The following UGT1A5 variants were observed in gnomAD, a reference collection of about 807,000 sequenced individuals.
UGT1A5 encodes the protein UDP glucuronosyltransferase family 1 member A5, also known as UDP-glucuronosyltransferase 1A5.
A neutral mutation model predicts 40.3 loss-of-function variants in UGT1A5; 29 were observed. That is an observed-to-expected ratio of 0.72 (90% confidence interval 0.54 to 0.98). UGT1A5 has a LOEUF of 0.98. Ranked by LOEUF, UGT1A5 falls within the 50% of genes least tolerant of loss-of-function variation. The pLI is 0.00. For missense variants in UGT1A5, 678 were observed against 677.9 expected (o/e 1.00, Z 0.00); for synonymous variants, 257 against 262.5 (o/e 0.98, Z 0.20).
chr2:233,768,757 A>AT (rs2126041506), intron 4 of UGT1A5, among the ~76,000 whole-genome samples: 1 of 151,338 alleles, frequency 6.6e-6, no homozygotes, highest in African/African-American at 2.4e-5. Context: ...TAATTTTTGT[A>AT]TTTTTTAGTA....
intron 1 of UGT1A5, among the ~76,000 whole-genome samples, chr2:233,720,689 A>G (rs964540844): frequency 1.3e-5 from 2 of 151,520 alleles, no homozygotes; most frequent in Non-Finnish European, 2.9e-5. Flanking sequence ...TTCTAAATCC[A>G]TTAAGGGAGC....
chr2:233,744,930 A>G (rs1692966910), intron 1 of UGT1A5, among the ~76,000 whole-genome samples: 1 of 151,906 alleles, frequency 6.6e-6, no homozygotes, highest in African/African-American at 2.4e-5. Flanking sequence ...CTTTTATAAA[A>G]TGACACAGTA....
chr2:233,737,637 G>A (rs1475956364), intron 1 of UGT1A5, among the ~76,000 whole-genome samples: 4 of 152,182 alleles, frequency 2.6e-5, no homozygotes, highest in Admixed American at 6.5e-5. Context: ...CATCTTCTGC[G>A]TCGATCATGC....
At chr2:233,729,672 TAAGG>T (rs769537040) in intron 1 of UGT1A5, 1 of 1,613,976 alleles carries the variant, frequency 6.2e-7, no homozygotes, top group Non-Finnish European at 8.5e-7. Flanking sequence ...ATTTAGACTT[TAAGG>T]GCACACAGTG....
intron 1 of UGT1A5, among the ~76,000 whole-genome samples, chr2:233,746,063 AAG>A (rs1693290242): frequency 6.6e-6 from 1 of 151,770 alleles, no homozygotes. Flanking sequence ...CTAGAACGAA[AAG>A]AGAAGAGGAG....
intron 1 of UGT1A5, among the ~76,000 whole-genome samples, chr2:233,734,913 T>G (rs1279998122): frequency 6.6e-6 from 1 of 152,224 alleles, no homozygotes; most frequent in Non-Finnish European, 1.5e-5. Context: ...TTACATTTGC[T>G]AAGGAGTGCT....
At chr2:233,748,134 A>G (rs747605529) in intron 1 of UGT1A5, 15 of 1,609,728 alleles carry the variant, frequency 9.3e-6, no homozygotes, top group Non-Finnish European at 1.3e-5. Flanking sequence ...GTTTTTAAAA[A>G]TTGTATTTAC....
intron 1 of UGT1A5, chr2:233,741,975 C>T (rs1043950383): frequency 3.3e-5 from 5 of 151,844 alleles, no homozygotes; most frequent in African/African-American, 4.9e-5. Flanking sequence ...TTTATGGTGC[C>T]TCACCCAAAA....
At chr2:233,743,677 G>A (rs1026564745) in intron 1 of UGT1A5, 2 of 1,367,100 alleles carry the variant, frequency 1.5e-6, no homozygotes, top group African/African-American at 1.5e-5. Flanking sequence ...CGAAGGGCCT[G>A]CCGCCTGTGC....
At chr2:233,724,728 C>A (rs2077301361) in intron 1 of UGT1A5, among the ~76,000 whole-genome samples, 1 of 144,340 alleles carries the variant, frequency 6.9e-6, no homozygotes, top group Non-Finnish European at 1.5e-5. Context: ...GGCAGCCAGG[C>A]AGAGGGGCTC....
intron 1 of UGT1A5, chr2:233,743,938 A>G (rs754327674): frequency 7.4e-7 from 1 of 1,356,050 alleles, no homozygotes; most frequent in African/African-American, 1.5e-5. Context: ...AGAACGGCCC[A>G]CCAGGCACTG....
At chr2:233,749,591 G>A (rs1280802236) in intron 1 of UGT1A5, among the ~76,000 whole-genome samples, 27 of 151,796 alleles carry the variant, frequency 1.8e-4, no homozygotes. Context: ...GTCTCAACAT[G>A]AAGTCACACT....
rs939298630 is a variant in UGT1A5, at chr2:233,760,212, G to A, written c.868-6822G>A. ...ACGTGACACAGTCAAACATTAACTT[G>A]GTGTATCGATTGGTTTTTGCCATAT... On this transcript the variant is annotated intron_variant, in intron 1 of 4. Coordinates refer to ENST00000373414, the MANE Select transcript of UGT1A5 (RefSeq NM_019078.2). 1.9e-5 allele frequency: 30 copies of A among 1,591,462 alleles called. No homozygotes were observed. The Admixed American group carries it at 4.7e-4, about 25-fold the overall frequency.
intron 1 of UGT1A5, among the ~76,000 whole-genome samples, chr2:233,763,758 G>C (rs1698394922): frequency 6.6e-6 from 1 of 152,148 alleles, no homozygotes; most frequent in South Asian, 2.1e-4. Flanking sequence ...TGTGTCTGAA[G>C]GAAAAGAGAT....
intron 1 of UGT1A5, among the ~76,000 whole-genome samples, chr2:233,758,095 C>A (rs1037336650): frequency 2.0e-5 from 3 of 152,150 alleles, no homozygotes; most frequent in Non-Finnish European, 2.9e-5. Context: ...ATAGTGACTG[C>A]CATCCAGTAG....
At chr2:233,719,030 A>G (rs1559364102) in intron 1 of UGT1A5, 1 of 1,614,246 alleles carries the variant, frequency 6.2e-7, no homozygotes, top group Non-Finnish European at 8.5e-7. Flanking sequence ...TGCACATCAA[A>G]GAAGAGAAAT....
intron 1 of UGT1A5, among the ~76,000 whole-genome samples, chr2:233,727,384 C>T (rs1032238584): frequency 4.6e-5 from 7 of 152,144 alleles, no homozygotes; most frequent in Admixed American, 1.3e-4. Flanking sequence ...TGGAGTACCA[C>T]CGTCTTCCAA....
chr2:233,757,867 T>C (rs1324450785), intron 1 of UGT1A5, among the ~76,000 whole-genome samples: 1 of 151,950 alleles, frequency 6.6e-6, no homozygotes. Context: ...AAAAAGAAAG[T>C]AGCTTCAAAA....
At chr2:233,725,334 T>G (rs2077438073) in intron 1 of UGT1A5, among the ~76,000 whole-genome samples, 1 of 108,502 alleles carries the variant, frequency 9.2e-6, no homozygotes, top group Admixed American at 9.8e-5. Context: ...TCAACAATCT[T>G]AAGTCCAATA....
Sources: allele counts gnomAD v4.1 joint callset (sites outside exome capture counted in the v4.1 genomes callset), GRCh38; gene constraint gnomAD v4.1.1; transcripts MANE v1.5; gene names NCBI Gene and HGNC (gene_info 2026-07-23, HGNC 2026-07-21).